Variants in TSC22D3 observed in about 807,000 individuals in gnomAD.
The protein encoded by TSC22D3 is TSC22 domain family protein 3.
In TSC22D3, 4 loss-of-function variants were observed where a neutral mutation model predicts 11.1. That is an observed-to-expected ratio of 0.36 (90% confidence interval 0.18 to 0.83). The LOEUF (loss-of-function observed/expected upper bound fraction) is 0.83. Among genes scored for constraint, TSC22D3 ranks in the 40% least tolerant of loss-of-function variants. TSC22D3 has a pLI of 0.48. For synonymous variants in TSC22D3, 77 were observed against 70.3 expected, an observed-to-expected ratio of 1.10 and a Z score of -0.48; for missense variants, 118 against 159.4, an observed-to-expected ratio of 0.74 and a Z score of 1.40.
intron 1 of TSC22D3, among the ~76,000 whole-genome samples, chrX:107,731,909 G>A (rs904495095): frequency 2.4e-4 from 27 of 110,260 alleles, no homozygotes; most frequent in African/African-American, 8.9e-4. Context: ...GGCAGGGTAG[G>A]TCAGGAGGAG....
At chrX:107,751,217 T>A (rs1294000320) in intron 1 of TSC22D3, among the ~76,000 whole-genome samples, 1 of 111,085 alleles carries the variant, frequency 9.0e-6, no homozygotes, top group Non-Finnish European at 1.9e-5. Flanking sequence ...GGGGAAGAGG[T>A]CGTTATGTTG....
chrX:107,714,791 C>T lies in TSC22D3; in HGVS notation c.373-42G>A, dbSNP rs758074240. The stretch of plus-strand genomic sequence containing the variant: ...CATAACAAAGCCATTCCTTAGCCAT[C>T]GTGGCCCCTCTGCAGCACCTTTGCT... On this transcript the variant is annotated intron_variant, in intron 2 of 2. Coordinates refer to ENST00000372383, the MANE Select transcript of TSC22D3 (RefSeq NM_198057.3). The T allele has an allele frequency of 6.1e-6, 7 of 1,148,413 alleles. No homozygotes were observed. The African/African-American group carries it at 7.1e-5, about 12-fold the overall frequency. 94.6% of individuals were successfully genotyped at this position (1,148,413 alleles called of 1,213,427 possible). A position where few individuals can be genotyped will look rare whatever the true frequency, so the allele number is the denominator to read the frequency against.
At chrX:107,716,234 C>T in intron 1 of TSC22D3, 1 of 917,045 alleles carries the variant, frequency 1.1e-6, no homozygotes, top group Admixed American at 4.4e-5. Flanking sequence ...CCGTGGCCTG[C>T]TCGGGCAATA....
intron 1 of TSC22D3, among the ~76,000 whole-genome samples, chrX:107,766,662 C>T (rs1484961078): frequency 9.0e-6 from 1 of 111,486 alleles, no homozygotes; most frequent in Non-Finnish European, 1.9e-5. Flanking sequence ...CTCCAGCTTG[C>T]CTGTCTGCTT....
chrX:107,769,901 G>A (rs974516052), intron 1 of TSC22D3, among the ~76,000 whole-genome samples: 1 of 112,174 alleles, frequency 8.9e-6, no homozygotes, highest in Non-Finnish European at 1.9e-5. Flanking sequence ...AACCATGAAT[G>A]TTAAGTTTGC....
intron 1 of TSC22D3, among the ~76,000 whole-genome samples, chrX:107,726,975 A>T (rs1927662009): frequency 8.9e-6 from 1 of 112,084 alleles, no homozygotes; most frequent in Admixed American, 9.5e-5. Flanking sequence ...GCTAAAGTAA[A>T]TATGGAAACC....
chrX:107,770,883 C>T (rs1929880373), intron 1 of TSC22D3, among the ~76,000 whole-genome samples: 1 of 112,082 alleles, frequency 8.9e-6, no homozygotes, highest in African/African-American at 3.2e-5. Context: ...GCTGTTTGCC[C>T]AGAATATTCT....
intron 1 of TSC22D3, among the ~76,000 whole-genome samples, chrX:107,722,976 C>T (rs1226154836): frequency 1.8e-5 from 2 of 111,305 alleles, no homozygotes; most frequent in African/African-American, 3.3e-5. Flanking sequence ...AGGTCTGTGG[C>T]CAATTCAGAA....
intron 1 of TSC22D3, chrX:107,716,545 T>TGGGCCCCCC: frequency 1.3e-6 from 1 of 796,150 alleles, no homozygotes; most frequent in South Asian, 4.2e-5. Context: ...CCTTCCTGCG[T>TGGGCCCCCC]CCCCTCCCCC....
In TSC22D3 at chrX:107,715,594, G is replaced by T. The variant is rs7888725; in HGVS notation, c.372+305C>A. Among the ~76,000 whole-genome samples the T allele has an allele frequency of 3.3e-3, 371 of 112,378 alleles. 1 individual carries two copies. The highest frequency in any genetic ancestry group is 0.012 in the African/African-American group (356 of 30,937). Reference sequence around the variant, plus strand: ...CTCAGCCCCTTGCCAGCTGCACGATGCACACAAATGCAAGAGTCTGAGCTC... The same window carrying T: ...CTCAGCCCCTTGCCAGCTGCACGATTCACACAAATGCAAGAGTCTGAGCTC... On this transcript the variant is annotated intron_variant, in intron 2 of 2. Coordinates refer to ENST00000372383, the MANE Select transcript of TSC22D3 (RefSeq NM_198057.3).
chrX:107,716,634 C>G, intron 1 of TSC22D3: 19 of 1,158,877 alleles, frequency 1.6e-5, no homozygotes, highest in South Asian at 1.3e-4. Context: ...GGCTCCTAGC[C>G]CAGCTCCGGC....
At chrX:107,751,511 C>T (rs1290117559) in intron 1 of TSC22D3, among the ~76,000 whole-genome samples, 2 of 112,297 alleles carry the variant, frequency 1.8e-5, no homozygotes, top group African/African-American at 6.5e-5. Flanking sequence ...CTCCCTTTAA[C>T]CGAGAATGGT....
At chrX:107,762,327 G>A (rs1929475801) in intron 1 of TSC22D3, among the ~76,000 whole-genome samples, 1 of 111,320 alleles carries the variant, frequency 9.0e-6, no homozygotes, top group East Asian at 2.8e-4. Flanking sequence ...GATGATAGAA[G>A]GGGCCCTACC....
rs1930079408 is a variant in TSC22D3, at chrX:107,775,207, C to T, written c.213G>A (p.Gln71=). Residue 71 remains glutamine (Q), a synonymous_variant, in exon 1 of 3, where the codon CAG becomes CAA. Transcript: ENST00000372383. The stretch of plus-strand genomic sequence containing the variant: ...CCCGCAGCACCGGCTCTAGCGAATC[C>T]TGCCGCATTATGCTGTTGAGCTTGT... ...NTDKLNSIMR[Q]DSLEPVLRDP... 8.2e-7 allele frequency: 1 copy of T among 1,212,137 alleles called. No individual in the cohort carries two copies. The highest frequency in any genetic ancestry group is 1.7e-5 in the African/African-American group (1 of 57,879).
chrX:107,742,499 C>T (rs1287322921), intron 1 of TSC22D3, among the ~76,000 whole-genome samples: 1 of 110,968 alleles, frequency 9.0e-6, no homozygotes, highest in African/African-American at 3.3e-5. Context: ...CCCGCCGAGG[C>T]TCCTTTCAGC....
At chrX:107,765,936 G>C (rs1929634742) in intron 1 of TSC22D3, among the ~76,000 whole-genome samples, 1 of 111,747 alleles carries the variant, frequency 8.9e-6, no homozygotes, top group Admixed American at 9.5e-5. Flanking sequence ...AGTCAGCTTT[G>C]GATACAAATC....
intron 1 of TSC22D3, among the ~76,000 whole-genome samples, chrX:107,718,534 G>A (rs1190316668): frequency 8.8e-6 from 1 of 113,081 alleles, no homozygotes; most frequent in Non-Finnish European, 1.9e-5. Context: ...TCTTAACCAG[G>A]TGCCTGGCAC....
intron 1 of TSC22D3, among the ~76,000 whole-genome samples, chrX:107,756,997 C>T (rs181606672): frequency 3.6e-5 from 4 of 112,292 alleles, no homozygotes; most frequent in East Asian, 2.8e-4. Context: ...ATCTGTTCCC[C>T]GGTGTTCAGG....
At chrX:107,762,925 C>T (rs924444222) in intron 1 of TSC22D3, among the ~76,000 whole-genome samples, 2 of 96,841 alleles carry the variant, frequency 2.1e-5, no homozygotes, top group African/African-American at 7.7e-5. Flanking sequence ...GGCACGATCT[C>T]GGATCACTGC....
Sources: allele counts gnomAD v4.1 joint callset (sites outside exome capture counted in the v4.1 genomes callset), GRCh38; gene constraint gnomAD v4.1.1; transcripts MANE v1.5; gene names NCBI Gene and HGNC (gene_info 2026-07-23, HGNC 2026-07-21).